FBXW11: variants seen among roughly 807,000 people sequenced by gnomAD.
FBXW11 encodes the protein F-box/WD repeat-containing protein 11.
FBXW11 carries 19 observed loss-of-function variants against 77.6 expected under a neutral mutation model. The ratio of observed to expected loss-of-function variants is 0.24; its 90% CI spans 0.17 to 0.36. FBXW11 has a LOEUF of 0.36. FBXW11 is among the 10% of genes least tolerant of loss of function. The pLI, the probability that FBXW11 is intolerant of heterozygous loss-of-function variation, is 1.00. For synonymous variants in FBXW11, 235 were observed against 249.4 expected, an observed-to-expected ratio of 0.94 and a Z score of 0.54; for missense variants, 334 against 704.2, an observed-to-expected ratio of 0.47 and a Z score of 5.95.
intron 6 of FBXW11, 111 bp from the exon 7 acceptor site, chr5:171,891,715 G>C: frequency 9.7e-7 from 1 of 1,026,962 alleles, no homozygotes; most frequent in Non-Finnish European, 1.4e-6. Context: ...CCCCAATCTT[G>C]GTTTGCATAA....
intron 3 of FBXW11, among the ~76,000 whole-genome samples, chr5:171,912,207 T>C (rs1760922950): frequency 6.6e-6 from 1 of 152,188 alleles, no homozygotes; most frequent in Admixed American, 6.5e-5. Context: ...TGTCCATATT[T>C]AGAGGTATGA....
chr5:171,878,333 C>T (rs1180329478), intron 7 of FBXW11, among the ~76,000 whole-genome samples: 2 of 152,146 alleles, frequency 1.3e-5, no homozygotes, highest in African/African-American at 4.8e-5. Flanking sequence ...TGCTATTTTG[C>T]TTAATTTGAA....
chr5:171,871,015 G>A (rs1263429336), intron 10 of FBXW11, among the ~76,000 whole-genome samples, 157 bp from the exon 11 acceptor site: 1 of 152,178 alleles, frequency 6.6e-6, no homozygotes, highest in Non-Finnish European at 1.5e-5. Flanking sequence ...ATATAAAGCT[G>A]TATGTGTACA....
chr5:171,865,261 A>T (rs1561625236), intron 13 of FBXW11, among the ~76,000 whole-genome samples: 1 of 151,694 alleles, frequency 6.6e-6, no homozygotes, highest in Non-Finnish European at 1.5e-5. Context: ...ACGCACATGT[A>T]CCCTAGAACT....
intron 2 of FBXW11, among the ~76,000 whole-genome samples, chr5:171,923,438 C>A (rs1761707387): frequency 6.6e-6 from 1 of 152,082 alleles, no homozygotes; most frequent in African/African-American, 2.4e-5. Flanking sequence ...CTTATTTATG[C>A]TGTCATCTTG....
At chr5:171,907,782 A>G (rs1436375149) in intron 4 of FBXW11, among the ~76,000 whole-genome samples, 5 of 152,234 alleles carry the variant, frequency 3.3e-5, no homozygotes, top group African/African-American at 9.6e-5. Context: ...ATTGTATGCA[A>G]TTATACTAAC....
At chr5:171,933,217 C>G (rs1465748072) in intron 2 of FBXW11, among the ~76,000 whole-genome samples, 3 of 146,542 alleles carry the variant, frequency 2.0e-5, no homozygotes, top group African/African-American at 7.6e-5. Context: ...CATCAAAAAA[C>G]CTGGTGGAAA....
At chr5:171,987,544 G>A (rs1212523321) in intron 1 of FBXW11, among the ~76,000 whole-genome samples, 18 of 152,112 alleles carry the variant, frequency 1.2e-4, no homozygotes, top group Admixed American at 9.8e-4. Flanking sequence ...TCCACCTCCC[G>A]GGTTCAAGCG....
chr5:171,901,041 A>G (rs558266742), intron 4 of FBXW11, among the ~76,000 whole-genome samples: 1 of 152,312 alleles, frequency 6.6e-6, no homozygotes, highest in East Asian at 1.9e-4. Flanking sequence ...ACTTATCATC[A>G]GAAAATTCCC....
At chr5:172,003,378 T>C (rs1766532337) in intron 1 of FBXW11, 1 of 152,204 alleles carries the variant, frequency 6.6e-6, no homozygotes, top group African/African-American at 2.4e-5. Context: ...TGTACAGTTC[T>C]CATTCTTCCC....
At chr5:171,912,566 T>A (rs839291) in intron 3 of FBXW11, among the ~76,000 whole-genome samples, 131,291 of 152,178 alleles carry the variant, frequency 0.86, 57,874 homozygotes, top group East Asian at 1. Flanking sequence ...AAATTCTAAC[T>A]CATCACCATT....
At chr5:171,917,904 A>T (rs1411020012) in intron 2 of FBXW11, among the ~76,000 whole-genome samples, 1 of 152,060 alleles carries the variant, frequency 6.6e-6, no homozygotes, top group African/African-American at 2.4e-5. Context: ...CTATTATTTT[A>T]AAATTAGGTT....
intron 2 of FBXW11, among the ~76,000 whole-genome samples, chr5:171,956,646 A>G (rs1763628908): frequency 6.6e-6 from 1 of 152,242 alleles, no homozygotes; most frequent in Admixed American, 6.5e-5. Context: ...ACTTGAGAAC[A>G]GCAAAGTCAC....
At chr5:171,893,617 T>C (rs1759538280) in intron 6 of FBXW11, among the ~76,000 whole-genome samples, 1 of 152,202 alleles carries the variant, frequency 6.6e-6, no homozygotes, top group South Asian at 2.1e-4. Context: ...CATCTCAGCA[T>C]GCTAAGCACT....
intron 3 of FBXW11, 88 bp downstream of exon 3, chr5:171,914,255 C>T: frequency 1.8e-6 from 2 of 1,107,012 alleles, no homozygotes; most frequent in East Asian, 5.6e-5. Flanking sequence ...AAATGCTTGG[C>T]TCTTGATTCC....
At chr5:171,993,353 C>T (rs1359011274) in intron 1 of FBXW11, among the ~76,000 whole-genome samples, 2 of 152,120 alleles carry the variant, frequency 1.3e-5, no homozygotes, top group African/African-American at 2.4e-5. Flanking sequence ...GTGGCTCACA[C>T]CTGTAATCCC....
intron 1 of FBXW11, among the ~76,000 whole-genome samples, chr5:171,980,810 A>G (rs565489083): frequency 6.6e-6 from 1 of 152,322 alleles, no homozygotes; most frequent in Admixed American, 6.5e-5. Flanking sequence ...TAAGAAACAT[A>G]TATTTGATCT....
intron 1 of FBXW11, among the ~76,000 whole-genome samples, chr5:171,984,803 T>A (rs1765349052): frequency 1.3e-5 from 2 of 152,200 alleles, no homozygotes; most frequent in Non-Finnish European, 2.9e-5. Flanking sequence ...AATATTTACT[T>A]TATGCACAAT....
chr5:171,890,515 T>C (rs963184121), intron 7 of FBXW11, among the ~76,000 whole-genome samples: 2 of 147,798 alleles, frequency 1.4e-5, no homozygotes, highest in Non-Finnish European at 3.0e-5. Context: ...CTCTCATCAC[T>C]GTAGATGGGA....
Sources: allele counts gnomAD v4.1 joint callset (sites outside exome capture counted in the v4.1 genomes callset), GRCh38; gene constraint gnomAD v4.1.1; transcripts MANE v1.5; gene names NCBI Gene and HGNC (gene_info 2026-07-23, HGNC 2026-07-21).